The following ATG3 variants were observed in gnomAD, a reference collection of about 807,000 sequenced individuals.
The protein encoded by ATG3 is ubiquitin-like-conjugating enzyme ATG3.
ATG3 carries 25 observed loss-of-function variants against 50.7 expected under a neutral mutation model. That is an observed-to-expected ratio of 0.49 (90% CI 0.36 to 0.69). ATG3 has a LOEUF of 0.69. Among genes scored for constraint, ATG3 ranks in the 30% least tolerant of loss-of-function variants. ATG3 has a pLI of 0.00. For synonymous variants in ATG3, 119 were observed against 125.5 expected (o/e 0.95, Z 0.34); for missense variants, 281 against 376.0 (o/e 0.75, Z 2.09).
chr3:112,554,614 G>A (rs1933613109), intron 2 of ATG3, among the ~76,000 whole-genome samples: 1 of 152,214 alleles, frequency 6.6e-6, no homozygotes, highest in African/African-American at 2.4e-5. Context: ...TCTACACATG[G>A]ACGCATGTGA....
intron 6 of ATG3, 41 bp downstream of exon 6, chr3:112,544,016 A>G: frequency 7.0e-7 from 1 of 1,434,386 alleles, no homozygotes; most frequent in Non-Finnish European, 9.8e-7. Context: ...TAGGCAAATA[A>G]CTACTCATTA....
chr3:112,537,931 G>T (rs202154598), intron 8 of ATG3, 41 bp from the exon 9 acceptor site: 2 of 1,514,466 alleles, frequency 1.3e-6, no homozygotes, highest in East Asian at 2.3e-5. Context: ...CCATTAAATC[G>T]GTATGAATGT....
chr3:112,533,835 A>C (rs978292162), intron 11 of ATG3: 2 of 987,798 alleles, frequency 2.0e-6, no homozygotes, highest in Admixed American at 6.1e-5. Flanking sequence ...TTTTAAGAAT[A>C]TCTAAAGCAC....
chr3:112,540,907 A>G (rs578112540), intron 7 of ATG3, among the ~76,000 whole-genome samples: 1 of 152,342 alleles, frequency 6.6e-6, no homozygotes, highest in Admixed American at 6.5e-5. Flanking sequence ...AATGTATTGA[A>G]AAAGATTATC....
intron 10 of ATG3, 85 bp downstream of exon 10, chr3:112,536,390 G>A (rs769303028): frequency 9.9e-6 from 15 of 1,522,314 alleles, no homozygotes; most frequent in South Asian, 8.3e-5. Context: ...TTCTGTTAGG[G>A]TTCTATGTTT....
At chr3:112,535,019 T>G (rs1339887865) in intron 10 of ATG3, 1 of 150,742 alleles carries the variant, frequency 6.6e-6, no homozygotes, top group Non-Finnish European at 1.5e-5. Context: ...AGGTATTTAT[T>G]TATATGAAGT....
chr3:112,533,385 G>A, intron 11 of ATG3: 1 of 985,136 alleles, frequency 1.0e-6, no homozygotes, highest in Non-Finnish European at 1.2e-6. Flanking sequence ...TTGCTACCTA[G>A]CATCCAGCAG....
intron 6 of ATG3, 157 bp downstream of exon 6, chr3:112,543,900 A>G (rs979986638): frequency 8.0e-6 from 4 of 502,644 alleles, no homozygotes; most frequent in African/African-American, 7.8e-5. Flanking sequence ...CAGAAAAATG[A>G]ATGGGGAAGA....
intron 5 of ATG3, among the ~76,000 whole-genome samples, chr3:112,544,957 T>A (rs1435421141): frequency 6.6e-6 from 1 of 152,174 alleles, no homozygotes; most frequent in East Asian, 1.9e-4. Context: ...AACATTTCAT[T>A]TGGATTTTTG....
intron 11 of ATG3, chr3:112,533,924 A>G: frequency 9.4e-7 from 1 of 1,064,250 alleles, no homozygotes; most frequent in Non-Finnish European, 1.1e-6. Flanking sequence ...AGATTGACAC[A>G]ACCTAATTTT....
chr3:112,546,506 T>C (rs1410063478), intron 5 of ATG3, among the ~76,000 whole-genome samples: 1 of 152,228 alleles, frequency 6.6e-6, no homozygotes, highest in Non-Finnish European at 1.5e-5. Context: ...TGGCACTTAA[T>C]ATTTTTGGAC....
At chr3:112,543,616 G>A (rs1933291009) in intron 6 of ATG3, among the ~76,000 whole-genome samples, 1 of 152,082 alleles carries the variant, frequency 6.6e-6, no homozygotes, top group African/African-American at 2.4e-5. Context: ...CACTATTTAA[G>A]CTATAAAATT....
chr3:112,550,146 T>C, intron 4 of ATG3, 46 bp downstream of exon 4: 1 of 1,399,838 alleles, frequency 7.1e-7, no homozygotes, highest in Non-Finnish European at 9.9e-7. Context: ...TTCATTTTAA[T>C]ATACCTCTAC....
At chr3:112,560,876 C>T (rs1350994136) in intron 1 of ATG3, among the ~76,000 whole-genome samples, 2 of 152,164 alleles carry the variant, frequency 1.3e-5, no homozygotes, top group South Asian at 2.1e-4. Flanking sequence ...CTACGGCTAT[C>T]TGAAAAGCTT....
At chr3:112,536,724 A>C (rs960349175) in intron 9 of ATG3, 122 bp from the exon 10 acceptor site, 33 of 988,128 alleles carry the variant, frequency 3.3e-5, no homozygotes, top group Middle Eastern at 6.6e-4. Flanking sequence ...GATCGAGACC[A>C]TCCTGGCTAA....
chr3:112,532,843 G>A (rs2082565967), intron 11 of ATG3, 63 bp from the exon 12 acceptor site: 7 of 1,459,562 alleles, frequency 4.8e-6, no homozygotes, highest in Non-Finnish European at 6.3e-6. Context: ...AGCCCATGTT[G>A]TAATTATCCA....
chr3:112,553,917 GC>G (rs1395254958), intron 2 of ATG3, among the ~76,000 whole-genome samples: 1 of 152,114 alleles, frequency 6.6e-6, no homozygotes, highest in East Asian at 1.9e-4. Flanking sequence ...AAAGTTAGAA[GC>G]TTTTTGGTCT....
chr3:112,544,238 C>A lies in ATG3; in HGVS notation c.344-132G>T, dbSNP rs147198401. On this transcript the variant is annotated intron_variant, in intron 5 of 11. Transcript: ENST00000283290. ...ATAAGGAGGCAAATAATAGTAGTAT[C>A]TTTACAAATGAACTCTAATGAGAAT... 3.5e-3 allele frequency: 2,370 copies of A among 674,372 alleles called. 29 individuals are homozygous for A. The highest frequency in any genetic ancestry group is 0.023 in the South Asian group (1,022 of 43,926). The allele number at this position is 674,372 out of a possible 1,614,324, so 41.8% of individuals were successfully genotyped here.
chr3:112,536,683 A>AGACTGAGGTGGGCGGATCACATGGTC, intron 9 of ATG3, 81 bp from the exon 10 acceptor site: 1 of 1,481,282 alleles, frequency 6.8e-7, no homozygotes, highest in Non-Finnish European at 9.3e-7. Context: ...GCACTGTGGG[A>AGACTGAGGTGGGCGGATCACATGGTC]GACTGAGGTG....
Sources: allele counts gnomAD v4.1 joint callset (sites outside exome capture counted in the v4.1 genomes callset), GRCh38; gene constraint gnomAD v4.1.1; transcripts MANE v1.5; gene names NCBI Gene and HGNC (gene_info 2026-07-23, HGNC 2026-07-21).